The following MID2 variants were observed in gnomAD, a reference collection of about 807,000 sequenced individuals.
MID2 encodes the protein midline 2.
In MID2, 13 loss-of-function variants were observed where a neutral mutation model predicts 46.1. That is an observed-to-expected ratio of 0.28 (90% confidence interval 0.18 to 0.45). MID2 has a LOEUF of 0.45. Among genes scored for constraint, MID2 ranks in the 20% least tolerant of loss-of-function variants. The probability of loss-of-function intolerance (pLI) is 1.00; values close to 1 mark genes in which losing one functional copy is unlikely to be tolerated. For synonymous variants in MID2, 199 were observed against 212.3 expected (o/e 0.94, Z 0.55); for missense variants, 431 against 575.4 (o/e 0.75, Z 2.57).
At chrX:107,889,122 T>C (rs1272649206) in intron 3 of MID2, among the ~76,000 whole-genome samples, 2 of 111,289 alleles carry the variant, frequency 1.8e-5, no homozygotes, top group Admixed American at 1.9e-4. Flanking sequence ...CCATTTACAT[T>C]TAAGGTTAAT....
At chrX:107,847,036 A>T (rs993082239) in intron 2 of MID2, among the ~76,000 whole-genome samples, 1 of 112,334 alleles carries the variant, frequency 8.9e-6, no homozygotes, top group Non-Finnish European at 1.9e-5. Context: ...GAAAAATGTG[A>T]TAATGGCCTT....
chrX:107,836,778 A>G (rs757103435), intron 1 of MID2, among the ~76,000 whole-genome samples: 1 of 111,544 alleles, frequency 9.0e-6, no homozygotes, highest in African/African-American at 3.3e-5. Flanking sequence ...TGATAAAAGT[A>G]TTCAGTACCC....
intron 3 of MID2, among the ~76,000 whole-genome samples, chrX:107,885,720 G>T (rs763369329): frequency 0.017 from 1,851 of 111,570 alleles, 51 homozygotes; most frequent in African/African-American, 0.057. Flanking sequence ...ATGGTTGAAA[G>T]AGTTTACAGT....
chrX:107,916,005 C>G lies in MID2; in HGVS notation c.1077C>G (p.Val359=), dbSNP rs1462234925. The G allele has an allele frequency of 1.7e-6, 2 of 1,202,909 alleles. No homozygotes were observed. Among genetic ancestry groups the G allele is most frequent in the Non-Finnish European group, 2.2e-6 (2 of 892,285 alleles). The change falls in exon 6 of 10, where the codon GTC becomes GTG. Residue 359 remains valine (V), a synonymous_variant. Coordinates refer to ENST00000262843, the MANE Select transcript of MID2 (RefSeq NM_012216.4). ...GATGTACTTTTCTCTTTTTCAGGGT[C>G]GCTATGGCAACTGCATCTTCTCAAG... is the stretch of plus-strand genomic sequence containing the variant. ...LQSAKNIAER[V]AMATASSQVL...
intron 2 of MID2, among the ~76,000 whole-genome samples, chrX:107,848,490 A>G (rs1043051469): frequency 9.0e-6 from 1 of 111,422 alleles, no homozygotes; most frequent in Admixed American, 9.6e-5. Context: ...CATTTCTGAT[A>G]AGGAGAGTGG....
chrX:107,827,575 G>T (rs778854657), intron 1 of MID2, among the ~76,000 whole-genome samples: 1 of 111,471 alleles, frequency 9.0e-6, no homozygotes, highest in Non-Finnish European at 1.9e-5. Context: ...CTCAAGTTGG[G>T]CCAGAAGGGC....
Position 107,908,446 on chromosome X carries a change from A to C in MID2, c.1073+2820A>C, listed in dbSNP as rs776673410. ...GTTTCATTTTGGATAGCTTCTATTG[A>C]TATATCTTCAAGTTCACTAGCCTTT... On this transcript the variant is annotated intron_variant, in intron 5 of 9. Transcript: ENST00000262843. Among the ~76,000 whole-genome samples the C allele has an allele frequency of 1.2e-4, 13 of 111,551 alleles. No individual in the cohort carries two copies. In the South Asian group the frequency reaches 4.8e-3, roughly 42 times the overall value.
chrX:107,904,210 G>A, intron 4 of MID2, 145 bp downstream of exon 4: 1 of 480,441 alleles, frequency 2.1e-6, no homozygotes, highest in Non-Finnish European at 3.6e-6. Context: ...TTGGCCTACT[G>A]CTCTGAATCC....
At chrX:107,862,238 A>G (rs951351630) in intron 3 of MID2, among the ~76,000 whole-genome samples, 3 of 111,636 alleles carry the variant, frequency 2.7e-5, no homozygotes, top group Non-Finnish European at 5.6e-5. Context: ...TAGTACTAGT[A>G]GTAGTAATTT....
chrX:107,855,689 T>A (rs1931724924), intron 3 of MID2, among the ~76,000 whole-genome samples: 1 of 112,242 alleles, frequency 8.9e-6, no homozygotes, highest in Non-Finnish European at 1.9e-5. Flanking sequence ...TGGAGAATCT[T>A]CTTGTAAGGC....
chrX:107,888,011 C>A (rs1932501828), intron 3 of MID2, among the ~76,000 whole-genome samples: 2 of 111,552 alleles, frequency 1.8e-5, no homozygotes. Flanking sequence ...TGATTCTTCT[C>A]TCTTTTCTTC....
intron 3 of MID2, among the ~76,000 whole-genome samples, chrX:107,886,797 A>C (rs766774861): frequency 1.1e-3 from 120 of 111,293 alleles, no homozygotes; most frequent in Middle Eastern, 4.7e-3. Flanking sequence ...CTTTTATTTC[A>C]TTGAGCAGTG....
At chrX:107,923,563 G>A (rs1372222964) in intron 7 of MID2, among the ~76,000 whole-genome samples, 1 of 111,445 alleles carries the variant, frequency 9.0e-6, no homozygotes, top group African/African-American at 3.3e-5. Context: ...ACAACAGAAT[G>A]TGTTGTGTAA....
chrX:107,893,873 G>C (rs1177543168), intron 3 of MID2, among the ~76,000 whole-genome samples: 1 of 113,037 alleles, frequency 8.8e-6, no homozygotes, highest in Admixed American at 9.3e-5. Flanking sequence ...TTTATATGCT[G>C]TTCATTCATT....
At position 107,827,938 on chromosome X, in the gene MID2, C is replaced by T. The variant is rs140324757; in HGVS notation, c.4+1508C>T. Among the ~76,000 whole-genome samples, 674 of 112,329 alleles carry T rather than the reference C, an allele frequency of 6.0e-3. 7 individuals are homozygous for T. The highest frequency in any genetic ancestry group is 0.02 in the African/African-American group (631 of 30,900). On this transcript the variant is annotated intron_variant, in intron 1 of 9. Transcript: ENST00000262843. Reference sequence around the variant, plus strand: ...TTATAGTTTGGATATTTATCCCTGCCCAAATCTTATGTACAAATGTAATCC... The same window carrying T: ...TTATAGTTTGGATATTTATCCCTGCTCAAATCTTATGTACAAATGTAATCC...
intron 1 of MID2, among the ~76,000 whole-genome samples, chrX:107,827,912 G>T (rs1056275932): frequency 9.8e-5 from 11 of 112,376 alleles, no homozygotes; most frequent in African/African-American, 3.6e-4. Flanking sequence ...TTATGTGTTT[G>T]TTATAGTTTG....
At chrX:107,885,750 T>C (rs1932438325) in intron 3 of MID2, among the ~76,000 whole-genome samples, 1 of 111,803 alleles carries the variant, frequency 8.9e-6, no homozygotes, top group South Asian at 3.7e-4. Context: ...AGTGTAAAAG[T>C]GTTCCTATTT....
At chrX:107,842,794 C>T (rs1931377516) in intron 2 of MID2, among the ~76,000 whole-genome samples, 1 of 112,060 alleles carries the variant, frequency 8.9e-6, no homozygotes, top group Non-Finnish European at 1.9e-5. Flanking sequence ...AGTTCTTAGA[C>T]TCATAAGATA....
intron 3 of MID2, among the ~76,000 whole-genome samples, chrX:107,868,877 A>C (rs775330395): frequency 1.1e-4 from 12 of 111,205 alleles, no homozygotes; most frequent in Non-Finnish European, 2.3e-4. Context: ...AAAACCATGA[A>C]AATGAATGAA....
Sources: allele counts gnomAD v4.1 joint callset (sites outside exome capture counted in the v4.1 genomes callset), GRCh38; gene constraint gnomAD v4.1.1; transcripts MANE v1.5; gene names NCBI Gene and HGNC (gene_info 2026-07-23, HGNC 2026-07-21).